The following AUTS2 variants were observed in gnomAD, a reference collection of about 807,000 sequenced individuals.
AUTS2 encodes activator of transcription and developmental regulator AUTS2.
In AUTS2, 17 loss-of-function variants were observed where a neutral mutation model predicts 112.4. That is an observed-to-expected ratio of 0.15 (90% CI 0.10 to 0.23). The LOEUF (loss-of-function observed/expected upper bound fraction) is 0.23. Ranked by LOEUF, AUTS2 falls within the 10% of genes least tolerant of loss-of-function variation. The probability of loss-of-function intolerance (pLI) is 1.00; values close to 1 mark genes in which losing one functional copy is unlikely to be tolerated. For synonymous variants in AUTS2, 751 were observed against 702.7 expected (o/e 1.07, Z -1.09); for missense variants, 1,510 against 1,701.6 (o/e 0.89, Z 1.98).
chr7:70,367,147 G>A (rs922178598), intron 4 of AUTS2, among the ~76,000 whole-genome samples: 3 of 152,104 alleles, frequency 2.0e-5, no homozygotes, highest in African/African-American at 7.2e-5. Flanking sequence ...TTAGCCGGGT[G>A]TGGTCTACTC....
intron 14 of AUTS2, among the ~76,000 whole-genome samples, chr7:70,779,754 G>A (rs1790945525): frequency 6.6e-6 from 1 of 152,154 alleles, no homozygotes; most frequent in Non-Finnish European, 1.5e-5. Flanking sequence ...GAGTAGCCAG[G>A]CACGATGGCT....
At chr7:69,899,528 T>A in intron 2 of AUTS2, 30 bp downstream of exon 2, 1 of 1,607,718 alleles carries the variant, frequency 6.2e-7, no homozygotes, top group Non-Finnish European at 8.5e-7. Context: ...CTCTTTCCTG[T>A]GGCGGCAAAA....
intron 3 of AUTS2, among the ~76,000 whole-genome samples, chr7:70,122,888 T>TTC (rs1491487565): frequency 1.5e-5 from 2 of 133,126 alleles, no homozygotes; most frequent in African/African-American, 5.9e-5. Context: ...TTTTTTTTTT[T>TTC]CCGTGACACG....
At chr7:69,671,459 C>A (rs1451538239) in intron 1 of AUTS2, among the ~76,000 whole-genome samples, 1 of 122,052 alleles carries the variant, frequency 8.2e-6, no homozygotes, top group Admixed American at 8.7e-5. Flanking sequence ...GGGATCAGCA[C>A]AAAATGTTTT....
chr7:70,406,156 ATC>A (rs1323745512), intron 4 of AUTS2, among the ~76,000 whole-genome samples: 1 of 152,110 alleles, frequency 6.6e-6, no homozygotes, highest in Admixed American at 6.6e-5. Context: ...CTGTGTTTTC[ATC>A]TGTCTCCCTC....
rs1269029894 is a variant in AUTS2, at chr7:70,694,773, G to A, written c.691-3796G>A. 5 of 149,784 alleles carry A rather than the reference G, an allele frequency of 3.3e-5. No homozygotes were observed. The highest frequency in any genetic ancestry group is 2.1e-4 in the South Asian group (1 of 4,808). 9.3% of individuals were successfully genotyped at this position (149,784 alleles called of 1,614,324 possible). ...GCTCCTCCCGCCGCCCGGGGCCTCG[G>A]CCGCGCTGGATGTGTGCGCGCGGCG... On this transcript the variant is annotated intron_variant, in intron 5 of 18. Coordinates refer to ENST00000342771, the MANE Select transcript of AUTS2 (RefSeq NM_015570.4). The surrounding 1 kb of genome is among the most constrained non-coding windows in gnomAD (Gnocchi z 4.1).
intron 5 of AUTS2, among the ~76,000 whole-genome samples, chr7:70,636,493 G>A (rs1401965858): frequency 3.9e-5 from 6 of 152,130 alleles, no homozygotes; most frequent in Admixed American, 1.3e-4. Context: ...GGAGACCTGC[G>A]TTCAAGTCCC....
At position 70,415,267 on chromosome 7, in the gene AUTS2, C is replaced by T. The variant is rs74327862; in HGVS notation, c.661-20485C>T. Among the ~76,000 whole-genome samples the T allele has an allele frequency of 6.3e-3, 958 of 152,272 alleles. 3 individuals carry two copies. Among genetic ancestry groups the T allele is most frequent in the Non-Finnish European group, 0.011 (739 of 68,026 alleles). On this transcript the variant is annotated intron_variant, in intron 4 of 18. Coordinates refer to ENST00000342771, the MANE Select transcript of AUTS2 (RefSeq NM_015570.4). ...GTAGTCCTGGTGCTGCACCACTAGC[C>T]GTAGAGCCTTGGCCAAGTCATGCCC... is the stretch of plus-strand genomic sequence containing the variant.
At chr7:70,102,243 C>T (rs1016135720) in intron 2 of AUTS2, among the ~76,000 whole-genome samples, 9 of 151,434 alleles carry the variant, frequency 5.9e-5, no homozygotes, top group Non-Finnish European at 1.0e-4. Context: ...CTCAGCCTCC[C>T]GAGTAGCTGG....
At chr7:69,792,648 C>A (rs1217083354) in intron 1 of AUTS2, among the ~76,000 whole-genome samples, 3 of 152,276 alleles carry the variant, frequency 2.0e-5, no homozygotes, top group African/African-American at 7.2e-5. Context: ...ATTTTTGATA[C>A]AGCAGTGCAG....
intron 5 of AUTS2, among the ~76,000 whole-genome samples, chr7:70,600,342 C>A (rs1236983631): frequency 6.6e-6 from 1 of 152,118 alleles, no homozygotes; most frequent in Non-Finnish European, 1.5e-5. Context: ...GTGGTGCCAT[C>A]TTGGCTTACT....
intron 1 of AUTS2, among the ~76,000 whole-genome samples, chr7:69,898,112 A>G (rs1055202192): frequency 1.3e-5 from 2 of 152,186 alleles, no homozygotes; most frequent in Non-Finnish European, 2.9e-5. Flanking sequence ...TGGATACCCC[A>G]TTTACCCTGA....
intron 1 of AUTS2, among the ~76,000 whole-genome samples, chr7:69,867,529 G>T (rs1368459365): frequency 6.6e-6 from 1 of 151,862 alleles, no homozygotes; most frequent in Non-Finnish European, 1.5e-5. Context: ...TCCCTTTTTG[G>T]TTTCCCCAGG....
At chr7:69,966,299 C>G (rs2129547463) in intron 2 of AUTS2, among the ~76,000 whole-genome samples, 1 of 152,266 alleles carries the variant, frequency 6.6e-6, no homozygotes, top group Non-Finnish European at 1.5e-5. Flanking sequence ...TTGCCAACAG[C>G]AAAGGGACTT....
At chr7:70,438,448 G>A (rs1795985790) in intron 5 of AUTS2, among the ~76,000 whole-genome samples, 1 of 152,082 alleles carries the variant, frequency 6.6e-6, no homozygotes, top group Admixed American at 6.5e-5. Flanking sequence ...GATCCTGCAG[G>A]TCTTAAGTGG....
chr7:69,702,366 C>T (rs1243191306), intron 1 of AUTS2, among the ~76,000 whole-genome samples: 4 of 152,032 alleles, frequency 2.6e-5, no homozygotes, highest in Admixed American at 6.6e-5. Flanking sequence ...AAGGCAGAGG[C>T]AGGGTGAGAA....
At position 70,224,085 on chromosome 7, in the gene AUTS2, C is replaced by G. The variant is rs532639943; in HGVS notation, c.660+89514C>G. On this transcript the variant is annotated intron_variant, in intron 4 of 18. Coordinates refer to ENST00000342771, the MANE Select transcript of AUTS2 (RefSeq NM_015570.4). ...ATCCCAACATTTTAAGAGGCTGAGGCAGGTGGATCACTTGAGCCCAGGAGT... is the reference window on the plus strand; with the variant it reads ...ATCCCAACATTTTAAGAGGCTGAGGGAGGTGGATCACTTGAGCCCAGGAGT... 4.6e-5 allele frequency among the ~76,000 whole-genome samples: 7 copies of G among 152,164 alleles called. No homozygotes were observed. The East Asian group carries it at 1.4e-3, about 29-fold the overall frequency.
intron 4 of AUTS2, among the ~76,000 whole-genome samples, chr7:70,431,230 A>G (rs1795655180): frequency 6.6e-6 from 1 of 152,162 alleles, no homozygotes; most frequent in Admixed American, 6.5e-5. Flanking sequence ...GCAGGTTCCA[A>G]AATGGTAGGA....
chr7:69,678,913 T>C (rs1796683259), intron 1 of AUTS2, among the ~76,000 whole-genome samples: 1 of 152,242 alleles, frequency 6.6e-6, no homozygotes, highest in South Asian at 2.1e-4. Context: ...CCGATAATGC[T>C]GCACGTTTTG....
Sources: gnomAD v4.1 joint callset for allele counts (sites outside exome capture counted in the v4.1 genomes callset) on GRCh38, gnomAD v4.1.1 for gene constraint, Gnocchi (gnomAD v3.1) non-coding constraint, MANE v1.5 for transcripts, NCBI Gene and HGNC (gene_info 2026-07-23, HGNC 2026-07-21) for gene names.